The following LRP1B variants were observed in gnomAD, a reference collection of about 807,000 sequenced individuals.
LRP1B encodes the protein low-density lipoprotein receptor-related protein 1B.
A neutral mutation model predicts 556.6 loss-of-function variants in LRP1B; 217 were observed. The observed-to-expected ratio is 0.39, with a 90% CI of 0.35 to 0.44. LRP1B has a LOEUF of 0.44. LRP1B is among the 20% of genes least tolerant of loss of function. LRP1B has a pLI of 1.00. For synonymous variants in LRP1B, 2,047 were observed against 1,865.8 expected (o/e 1.10, Z -2.50); for missense variants, 5,053 against 5,620.8 (o/e 0.90, Z 3.23).
At chr2:140,468,427 C>T (rs946212640) in intron 60 of LRP1B, among the ~76,000 whole-genome samples, 3 of 152,144 alleles carry the variant, frequency 2.0e-5, no homozygotes, top group Non-Finnish European at 4.4e-5. Context: ...ATTATTAGGG[C>T]AATGCATAAT....
At chr2:140,576,861 T>G (rs981147014) in intron 43 of LRP1B, among the ~76,000 whole-genome samples, 3 of 152,202 alleles carry the variant, frequency 2.0e-5, no homozygotes, top group African/African-American at 7.2e-5. Flanking sequence ...TTGAAGTCTC[T>G]CTCCTTTCTT....
chr2:140,748,750 ATATATATTATATACATGTATATAATATG>A (rs1688445309), intron 35 of LRP1B, among the ~76,000 whole-genome samples: 1 of 109,788 alleles, frequency 9.1e-6, no homozygotes, highest in African/African-American at 3.6e-5. Flanking sequence ...ATATAATATG[ATATATATTATATACATGTATATAATATG>A]TATATAATAT....
intron 3 of LRP1B, among the ~76,000 whole-genome samples, chr2:141,349,563 C>G (rs1486492257): frequency 6.6e-6 from 1 of 152,064 alleles, no homozygotes; most frequent in Non-Finnish European, 1.5e-5. Flanking sequence ...TAAATCGAAA[C>G]AACTACCTTC....
intron 11 of LRP1B, among the ~76,000 whole-genome samples, chr2:141,037,867 C>T (rs1165960672): frequency 2.0e-5 from 3 of 151,530 alleles, no homozygotes; most frequent in East Asian, 2.0e-4. Context: ...CACACACAGA[C>T]ACATGCGCAC....
chr2:141,742,988 C>G (rs1693766272), intron 2 of LRP1B, among the ~76,000 whole-genome samples: 1 of 151,896 alleles, frequency 6.6e-6, no homozygotes, highest in South Asian at 2.1e-4. Flanking sequence ...TTTAACAGTT[C>G]TAACAGTTTT....
At chr2:140,261,408 A>G (rs191900815) in intron 86 of LRP1B, among the ~76,000 whole-genome samples, 2 of 152,028 alleles carry the variant, frequency 1.3e-5, no homozygotes, top group Admixed American at 6.6e-5. Flanking sequence ...TTGAATCTAT[A>G]ACATTGGATA....
chr2:140,826,962 C>G (rs1210209266), intron 31 of LRP1B, among the ~76,000 whole-genome samples: 1 of 152,108 alleles, frequency 6.6e-6, no homozygotes, highest in African/African-American at 2.4e-5. Context: ...GAAGACCCAG[C>G]CAGTCTCCTA....
At chr2:141,122,456 T>G (rs907260478) in intron 7 of LRP1B, among the ~76,000 whole-genome samples, 1 of 149,790 alleles carries the variant, frequency 6.7e-6, no homozygotes, top group Admixed American at 6.6e-5. Flanking sequence ...AACAGACACT[T>G]CTCAAAAGAA....
At chr2:141,578,967 C>A (rs1574099895) in intron 2 of LRP1B, among the ~76,000 whole-genome samples, 1 of 152,068 alleles carries the variant, frequency 6.6e-6, no homozygotes, top group Non-Finnish European at 1.5e-5. Context: ...CAGATCAGTC[C>A]CAGGAGATCC....
intron 2 of LRP1B, among the ~76,000 whole-genome samples, chr2:141,788,361 T>C (rs1284781783): frequency 2.6e-5 from 4 of 152,000 alleles, no homozygotes; most frequent in Admixed American, 6.6e-5. Flanking sequence ...ACTGGATTGT[T>C]TGAAAGCAGG....
At chr2:140,541,167 T>C in intron 44 of LRP1B, 69 bp from the exon 45 acceptor site, 10 of 1,303,662 alleles carry the variant, frequency 7.7e-6, no homozygotes, top group Non-Finnish European at 9.8e-6. Flanking sequence ...TAAATATTAA[T>C]CGTAAACTAT....
In LRP1B at chr2:140,463,565, A is replaced by T. The variant is rs371666200; in HGVS notation, c.9626-5914T>A. Among the ~76,000 whole-genome samples the T allele has an allele frequency of 1.3e-4, 20 of 152,214 alleles. No homozygotes were observed. The East Asian group carries it at 1.7e-3, about 13-fold the overall frequency. On this transcript the variant is annotated intron_variant, in intron 60 of 90. Transcript: ENST00000389484. ...AACTTAGGCACCAAGGTCCAAAATC[A>T]ATTTTTCAAAACAAATAAAAGCATT...
rs76796556 is a variant in LRP1B at position 141,643,706 on chromosome 2, T to G, written c.206-163173A>C. ...AGTGCATTAGTCATTGAATTCATATTTCTAATTTTACAAGAGTATCTCTGG... is the reference window on the plus strand; with the variant it reads ...AGTGCATTAGTCATTGAATTCATATGTCTAATTTTACAAGAGTATCTCTGG... On this transcript the variant is annotated intron_variant, in intron 2 of 90. Coordinates refer to ENST00000389484, the MANE Select transcript of LRP1B (RefSeq NM_018557.3). 1.1e-3 allele frequency among the ~76,000 whole-genome samples: 172 copies of G among 152,242 alleles called. 1 individual carries two copies. The highest frequency in any genetic ancestry group is 3.9e-3 in the African/African-American group (162 of 41,546).
chr2:141,464,076 G>A (rs963672934), intron 3 of LRP1B, among the ~76,000 whole-genome samples: 56 of 151,622 alleles, frequency 3.7e-4, no homozygotes, highest in Non-Finnish European at 8.8e-5. Context: ...CCTGGCTGGC[G>A]AATCCACACA....
intron 1 of LRP1B, among the ~76,000 whole-genome samples, chr2:142,000,386 T>C (rs2105134847): frequency 6.6e-6 from 1 of 152,310 alleles, no homozygotes; most frequent in East Asian, 1.9e-4. Context: ...TGGGCCAAAG[T>C]GGTCCTAAAT....
intron 1 of LRP1B, among the ~76,000 whole-genome samples, chr2:141,843,013 C>CT (rs1553472366): frequency 6.6e-6 from 1 of 151,984 alleles, no homozygotes; most frequent in Non-Finnish European, 1.5e-5. Context: ...AATATTAAAA[C>CT]TATTTATTTT....
intron 18 of LRP1B, among the ~76,000 whole-genome samples, chr2:140,967,603 T>G (rs986684629): frequency 6.6e-6 from 1 of 151,880 alleles, no homozygotes; most frequent in African/African-American, 2.4e-5. Flanking sequence ...AGAGAGGGCA[T>G]CCCTGTCTTG....
chr2:141,990,860 T>C (rs2105114421), intron 1 of LRP1B, among the ~76,000 whole-genome samples: 1 of 152,196 alleles, frequency 6.6e-6, no homozygotes, highest in South Asian at 2.1e-4. Flanking sequence ...TAGCACATTT[T>C]AGACTAAGAT....
chr2:140,574,608 T>C (rs954069489), intron 43 of LRP1B, among the ~76,000 whole-genome samples: 1 of 152,188 alleles, frequency 6.6e-6, no homozygotes. Flanking sequence ...TAATTTAAGT[T>C]GAATCATTAA....
Sources: gnomAD v4.1 joint callset for allele counts (sites outside exome capture counted in the v4.1 genomes callset) on GRCh38, gnomAD v4.1.1 for gene constraint, MANE v1.5 for transcripts, NCBI Gene and HGNC (gene_info 2026-07-23, HGNC 2026-07-21) for gene names.